PER2: variants seen among roughly 807,000 people sequenced by gnomAD.
PER2 encodes period circadian regulator 2, also known as period circadian protein homolog 2.
In PER2, 66 loss-of-function variants were observed where a neutral mutation model predicts 121.0. The ratio of observed to expected loss-of-function variants is 0.55; its 90% confidence interval spans 0.45 to 0.67. The LOEUF (loss-of-function observed/expected upper bound fraction) is 0.67. PER2 is among the 30% of genes least tolerant of loss of function. The pLI, the probability that PER2 is intolerant of heterozygous loss-of-function variation, is 0.00. For missense variants in PER2, 1,521 were observed against 1,635.0 expected (o/e 0.93, Z 1.20); for synonymous variants, 684 against 659.9 (o/e 1.04, Z -0.56).
At chr2:238,263,275 T>C (rs1260141234) in intron 9 of PER2, among the ~76,000 whole-genome samples, 1 of 150,454 alleles carries the variant, frequency 6.6e-6, no homozygotes, top group African/African-American at 2.5e-5. Context: ...AGGCTCCCTC[T>C]GCTGGGGCCT....
chr2:238,291,519 C>A (rs751506087), upstream of PER2, among the ~76,000 whole-genome samples: 1 of 152,206 alleles, frequency 6.6e-6, no homozygotes, highest in South Asian at 2.1e-4. Flanking sequence ...AAAGGACAGG[C>A]GGCTAGGAAG....
chr2:238,251,124 G>A (rs1314431864), intron 20 of PER2, among the ~76,000 whole-genome samples: 1 of 152,248 alleles, frequency 6.6e-6, no homozygotes, highest in African/African-American at 2.4e-5. Flanking sequence ...CACCTGTGCA[G>A]CACGCCTGCG....
chr2:238,279,838 G>A (rs11892306), intron 1 of PER2, among the ~76,000 whole-genome samples: 14 of 151,894 alleles, frequency 9.2e-5, no homozygotes, highest in South Asian at 2.1e-4. Flanking sequence ...AGGTGCGTCC[G>A]GCTGCTTGTC....
chr2:238,273,326 C>T (rs1696352038), intron 4 of PER2, 135 bp from the exon 5 acceptor site: 4 of 941,178 alleles, frequency 4.2e-6, no homozygotes, highest in African/African-American at 1.6e-5. Flanking sequence ...TCCTGGGACA[C>T]AGAACATACG....
At chr2:238,288,196 T>C (rs1378674416) in intron 1 of PER2, among the ~76,000 whole-genome samples, 153 bp downstream of exon 1, 4 of 152,050 alleles carry the variant, frequency 2.6e-5, no homozygotes, top group Non-Finnish European at 2.9e-5. Flanking sequence ...TCCCCGAGGG[T>C]CCTCCAGATC....
In PER2 at chr2:238,277,181, A is replaced by C. The variant is rs1366395630; in HGVS notation, c.243T>G (p.Phe81Leu). 5.6e-6 allele frequency: 9 copies of C among 1,612,340 alleles called. No homozygotes were observed. The highest frequency in any genetic ancestry group is 7.6e-6 in the Non-Finnish European group (9 of 1,178,430). Residue 81 changes from phenylalanine (F) to leucine (L), a missense_variant, in exon 3 of 23, where the codon TTT becomes TTG. Transcript: ENST00000254657. ...PPDARQSPDT[F>L]SLMMAKSEHN... is the part of the protein sequence containing the mutation. ...GTTCAGATTTTGCCATCATCAGGCT[A>C]AAGGTATCTGGACTATGAAAACAAA...
In PER2 at chr2:238,249,162, T is replaced by C. The variant is rs1339366552; in HGVS notation, c.3518A>G (p.Gln1173Arg). The C allele has an allele frequency of 3.1e-6, 5 of 1,614,042 alleles. No individual in the cohort carries two copies. Among genetic ancestry groups the C allele is most frequent in the Non-Finnish European group, 4.2e-6 (5 of 1,179,960 alleles). ...CTCCGTGAACCTGGGCTGGAGTTTC[T>C]GTAGGAGCTTCAGCTTCTCTCTGTC... is the stretch of plus-strand genomic sequence containing the variant. The part of the protein sequence containing the change: ...KEDREKLKLL[Q>R]KLQPRFTESQ... The change falls in exon 22 of 23, where the codon CAG becomes CGG. Residue 1173 changes from glutamine (Q) to arginine (R), a missense_variant. Physicochemically the swap from Gln to Arg is conservative, Grantham distance 43. Coordinates refer to ENST00000254657, the MANE Select transcript of PER2 (RefSeq NM_022817.3).
At chr2:238,260,132 A>G in intron 13 of PER2, 79 bp from the exon 14 acceptor site, 1 of 694,868 alleles carries the variant, frequency 1.4e-6, no homozygotes, top group Non-Finnish European at 2.6e-6. Context: ...AGAACAGAGG[A>G]TGGCTGAAAT....
At chr2:238,263,673 C>A (rs892410511) in intron 9 of PER2, among the ~76,000 whole-genome samples, 18 of 152,194 alleles carry the variant, frequency 1.2e-4, no homozygotes, top group African/African-American at 4.1e-4. Flanking sequence ...GCCGGCTCCA[C>A]CGACCATTTC....
In PER2 at chr2:238,272,934, C is replaced by T. The variant is rs1311271255; in HGVS notation, c.570+136G>A. ...CAGAATCACTGACTTCACATTCTTC[C>T]TTTTAAAGGTAGGAACTTATCTGCT... On this transcript the variant is annotated intron_variant, in intron 5 of 22. Transcript: ENST00000254657. The T allele has an allele frequency of 8.8e-6, 7 of 794,206 alleles. No homozygotes were observed. The East Asian group carries it at 1.8e-4, about 20-fold the overall frequency. The allele number at this position is 794,206 out of a possible 1,614,324, so 49.2% of individuals were successfully genotyped here. A position where few individuals can be genotyped will look rare whatever the true frequency, so the allele number is the denominator to read the frequency against.
chr2:238,291,088 T>C (rs1466436844), upstream of PER2, among the ~76,000 whole-genome samples: 1 of 152,188 alleles, frequency 6.6e-6, no homozygotes, highest in African/African-American at 2.4e-5. Context: ...AGCTCTTGGA[T>C]AGGGGAATTG....
rs949845241 is a variant in PER2, at chr2:238,245,225, G to A, written c.*1150C>T. The A allele has an allele frequency of 4.7e-5, 11 of 235,128 alleles. No homozygotes were observed. The highest frequency in any genetic ancestry group is 6.7e-5 in the African/African-American group (3 of 44,820). 14.6% of individuals were successfully genotyped at this position (235,128 alleles called of 1,614,324 possible). A position where few individuals can be genotyped will look rare whatever the true frequency, so the allele number is the denominator to read the frequency against. ...GCAACATGAGGTTTTGTAAAAAGCC[G>A]GGCAGACTGGCCTCACTTTTCCCCA... On this transcript the variant is annotated 3_prime_UTR_variant, in exon 23 of 23. Coordinates refer to ENST00000254657, the MANE Select transcript of PER2 (RefSeq NM_022817.3).
At chr2:238,279,348 C>T (rs1696559534) in intron 1 of PER2, among the ~76,000 whole-genome samples, 1 of 152,296 alleles carries the variant, frequency 6.6e-6, no homozygotes, top group East Asian at 1.9e-4. Flanking sequence ...CTCTGGATCA[C>T]GGTCTACATG....
chr2:238,247,452 C>T (rs1695479219), intron 22 of PER2: 2 of 150,714 alleles, frequency 1.3e-5, no homozygotes, highest in Admixed American at 6.6e-5. Context: ...ACATCAGGAA[C>T]GACCCTGAGC....
At chr2:238,260,114 G>A in intron 13 of PER2, 61 bp from the exon 14 acceptor site, 1 of 749,216 alleles carries the variant, frequency 1.3e-6, no homozygotes, top group Admixed American at 2.1e-5. Context: ...AGTCTGTCCG[G>A]CAAAGTGAGA....
At chr2:238,260,686 T>A in intron 13 of PER2, 142 bp downstream of exon 13, 2 of 892,658 alleles carry the variant, frequency 2.2e-6, no homozygotes, top group East Asian at 4.8e-5. Flanking sequence ...AAGTCCCAAG[T>A]GGACAAAGTT....
Position 238,253,150 on chromosome 2 carries a change from T to C in PER2, c.2873A>G (p.Gln958Arg), listed in dbSNP as rs1351949424. 5 of 1,598,392 alleles carry C rather than the reference T, an allele frequency of 3.1e-6. No homozygotes were observed. The highest frequency in any genetic ancestry group is 2.2e-5 in the East Asian group (1 of 44,528). ...CCGGGTGGCTGGACAAGCACATGGC[T>C]GTCTGGGGATCGAGGTCCGGCTGGG... ...EFPSRTSIPRQPCACPATRAT... is the reference protein window; with the variant it reads ...EFPSRTSIPRRPCACPATRAT... The change falls in exon 19 of 23, where the codon CAG becomes CGG. Residue 958 changes from glutamine to arginine, a missense_variant. Transcript: ENST00000254657. The surrounding 1 kb of genome is among the most constrained non-coding windows in gnomAD (Gnocchi z 5.6).
intron 1 of PER2, among the ~76,000 whole-genome samples, chr2:238,284,856 G>A (rs1192477474): frequency 1.3e-5 from 2 of 152,200 alleles, no homozygotes; most frequent in African/African-American, 2.4e-5. Flanking sequence ...CAGCCTCAGC[G>A]GCTCTAATAG....
In PER2 at chr2:238,277,697, C is replaced by T. The variant is rs750312236; in HGVS notation, c.230+10G>A. On this transcript the variant is annotated intron_variant, in intron 2 of 22. Coordinates refer to ENST00000254657, the MANE Select transcript of PER2 (RefSeq NM_022817.3). ...TGCCCAGCCTCCATCTGGCCAGAGG[C>T]TGAACTCACCTCTGGCGGGCATCCG... The T allele has an allele frequency of 1.2e-6, 2 of 1,613,980 alleles. No individual in the cohort carries two copies. The highest frequency in any genetic ancestry group is 1.6e-4 in the Middle Eastern group (1 of 6,062).
Sources: gnomAD v4.1 joint callset for allele counts (sites outside exome capture counted in the v4.1 genomes callset) on GRCh38, gnomAD v4.1.1 for gene constraint, Gnocchi (gnomAD v3.1) non-coding constraint, MANE v1.5 for transcripts, NCBI Gene and HGNC (gene_info 2026-07-23, HGNC 2026-07-21) for gene names.